The following NBAS variants were observed in gnomAD, a reference collection of about 807,000 sequenced individuals.
NBAS encodes NAG/BC035112 fusion.
Under a neutral mutation model 302.5 loss-of-function variants are expected in NBAS, and 219 were observed. The ratio of observed to expected loss-of-function variants is 0.72; its 90% CI spans 0.65 to 0.81. The LOEUF is 0.81. NBAS is among the 30% of genes least tolerant of loss of function. The pLI, the probability that NBAS is intolerant of heterozygous loss-of-function variation, is 0.00. For synonymous variants in NBAS, 1,118 were observed against 1,021.6 expected, an observed-to-expected ratio of 1.09 and a Z score of -1.80; for missense variants, 2,932 against 2,841.6, an observed-to-expected ratio of 1.03 and a Z score of -0.72.
At chr2:15,060,802 G>T in the NBAS span, among the ~76,000 whole-genome samples, 4 of 152,132 alleles carry the variant, frequency 2.6e-5, no homozygotes, top group Non-Finnish European at 4.4e-5. Flanking sequence ...TTGCTGGGAG[G>T]ATTAAATGAG....
At chr2:15,080,637 C>T in the NBAS span, among the ~76,000 whole-genome samples, 1 of 152,202 alleles carries the variant, frequency 6.6e-6, no homozygotes, top group African/African-American at 2.4e-5. Flanking sequence ...ACTGAAATCA[C>T]TCAGGGAAAT....
intron 1 of NBAS, among the ~76,000 whole-genome samples, chr2:15,559,828 T>C (rs1408635282): frequency 6.6e-6 from 1 of 152,310 alleles, no homozygotes; most frequent in East Asian, 1.9e-4. Flanking sequence ...TTCTGAAACA[T>C]TACTGCAATT....
At chr2:14,834,401 G>T in the NBAS span, among the ~76,000 whole-genome samples, 15 of 152,214 alleles carry the variant, frequency 9.9e-5, no homozygotes, top group South Asian at 2.9e-3. Context: ...AGCTTTCAAG[G>T]CCTACTGCAG....
the NBAS span, among the ~76,000 whole-genome samples, chr2:15,075,210 A>G: frequency 6.6e-6 from 1 of 152,320 alleles, no homozygotes; most frequent in Middle Eastern, 3.4e-3. Flanking sequence ...ACTATGGAGT[A>G]TTCTTTTAAA....
At chr2:15,252,452 C>A (rs927608369) in intron 44 of NBAS, among the ~76,000 whole-genome samples, 9 of 151,656 alleles carry the variant, frequency 5.9e-5, no homozygotes, top group Admixed American at 2.0e-4. Flanking sequence ...GAGCTGAGAT[C>A]GCGCCATTGC....
the NBAS span, among the ~76,000 whole-genome samples, chr2:14,815,513 T>C: frequency 6.6e-6 from 1 of 152,196 alleles, no homozygotes; most frequent in Non-Finnish European, 1.5e-5. Context: ...ATCTGAAGCT[T>C]TTGACTTATA....
chr2:15,199,860 C>A (rs1202061731), intron 48 of NBAS, among the ~76,000 whole-genome samples: 1 of 150,606 alleles, frequency 6.6e-6, no homozygotes, highest in Non-Finnish European at 1.5e-5. Context: ...CATTATCAAC[C>A]ACATAATGTA....
chr2:15,221,235 A>G (rs1367031457), intron 47 of NBAS, among the ~76,000 whole-genome samples: 5 of 152,220 alleles, frequency 3.3e-5, no homozygotes, highest in African/African-American at 1.2e-4. Flanking sequence ...TCCTGGCTGC[A>G]GACTTTCCTA....
At chr2:14,879,593 A>T in the NBAS span, among the ~76,000 whole-genome samples, 1 of 152,218 alleles carries the variant, frequency 6.6e-6, no homozygotes, top group South Asian at 2.1e-4. Context: ...TTAAGGATTT[A>T]TAGGGAAGAC....
chr2:15,212,420 G>A (rs1024017669), intron 48 of NBAS, among the ~76,000 whole-genome samples: 2 of 152,118 alleles, frequency 1.3e-5, no homozygotes, highest in African/African-American at 4.8e-5. Flanking sequence ...TTCTTTTGGT[G>A]GCTGTTGTCT....
intron 51 of NBAS, among the ~76,000 whole-genome samples, chr2:15,173,714 A>G (rs1349009843): frequency 6.6e-6 from 1 of 152,142 alleles, no homozygotes; most frequent in African/African-American, 2.4e-5. Context: ...CGATCTCACA[A>G]CGAGACGGAG....
chr2:15,175,654 C>T lies in NBAS; in HGVS notation c.6840+3334G>A, dbSNP rs541442605. 2.6e-5 allele frequency among the ~76,000 whole-genome samples: 4 copies of T among 152,182 alleles called. No individual in the cohort carries two copies. The South Asian group carries it at 6.2e-4, about 24-fold the overall frequency. On this transcript the variant is annotated intron_variant, in intron 51 of 51. Coordinates refer to ENST00000281513, the MANE Select transcript of NBAS (RefSeq NM_015909.4). ...ATGCAGGGTTTTAATTGTTCATCAT[C>T]AATACAATCTCAAGGAAGGACTTTC...
chr2:14,811,269 G>A, the NBAS span, among the ~76,000 whole-genome samples: 2 of 152,056 alleles, frequency 1.3e-5, no homozygotes, highest in Non-Finnish European at 2.9e-5. Context: ...AATTAGCCAG[G>A]CATGGTGGCG....
At chr2:15,546,277 TCTCA>T (rs1664106011) in intron 6 of NBAS, among the ~76,000 whole-genome samples, 1 of 152,204 alleles carries the variant, frequency 6.6e-6, no homozygotes, top group Non-Finnish European at 1.5e-5. Context: ...TTTTCTTTTT[TCTCA>T]CTTTTAGTTT....
chr2:15,548,421 C>T (rs60804274), intron 6 of NBAS, among the ~76,000 whole-genome samples: 9,412 of 152,200 alleles, frequency 0.062, 908 homozygotes, highest in African/African-American at 0.21. Flanking sequence ...GCAGGTGGAT[C>T]ACCTGAGGTC....
At chr2:15,442,904 A>G (rs1272757997) in intron 21 of NBAS, among the ~76,000 whole-genome samples, 2 of 152,216 alleles carry the variant, frequency 1.3e-5, no homozygotes, top group African/African-American at 4.8e-5. Context: ...AAAATCTAGA[A>G]GAAATGGATA....
chr2:14,907,269 G>A, the NBAS span, among the ~76,000 whole-genome samples: 9 of 152,126 alleles, frequency 5.9e-5, no homozygotes, highest in Admixed American at 2.6e-4. Context: ...AGAGGCTTAC[G>A]TAATAAAATG....
chr2:15,237,550 G>T (rs1667649678), intron 45 of NBAS, among the ~76,000 whole-genome samples: 2 of 150,484 alleles, frequency 1.3e-5, no homozygotes, highest in Admixed American at 1.3e-4. Flanking sequence ...GGAGGGAAAA[G>T]AAAATCAAAA....
chr2:14,973,381 T>C, the NBAS span, among the ~76,000 whole-genome samples: 2 of 152,208 alleles, frequency 1.3e-5, no homozygotes, highest in African/African-American at 4.8e-5. Flanking sequence ...TACGAAGAAA[T>C]GACAATCCAG....
Sources: allele counts gnomAD v4.1 joint callset (sites outside exome capture counted in the v4.1 genomes callset), GRCh38; gene constraint gnomAD v4.1.1; transcripts MANE v1.5; gene names NCBI Gene and HGNC (gene_info 2026-07-23, HGNC 2026-07-21).